CCDC85C: variants seen among roughly 807,000 people sequenced by gnomAD.
CCDC85C encodes the protein coiled-coil domain-containing protein 85C.
A neutral mutation model predicts 38.3 loss-of-function variants in CCDC85C; 18 were observed. The ratio of observed to expected loss-of-function variants is 0.47; its 90% CI spans 0.33 to 0.70. The LOEUF is 0.70. Among genes scored for constraint, CCDC85C ranks in the 30% least tolerant of loss-of-function variants. The probability of loss-of-function intolerance (pLI) is 0.03; values close to 1 mark genes in which losing one functional copy is unlikely to be tolerated. For missense variants in CCDC85C, 566 were observed against 621.2 expected, an observed-to-expected ratio of 0.91 and a Z score of 0.94; for synonymous variants, 264 against 293.8, an observed-to-expected ratio of 0.90 and a Z score of 1.04.
In CCDC85C at chr14:99,544,820, G is replaced by A. The variant is rs184625522; in HGVS notation, c.794-8732C>T. ...AAAGACCCCACAGCCTCTGAGCCTC[G>A]CCAGGTCACACATGGCCTGCAGGCT... On this transcript the variant is annotated intron_variant, in intron 1 of 5. Coordinates refer to ENST00000380243, the MANE Select transcript of CCDC85C (RefSeq NM_001144995.2). The surrounding 1 kb of genome is among the most constrained non-coding windows in gnomAD (Gnocchi z 5.3). 1.4e-4 allele frequency among the ~76,000 whole-genome samples: 22 copies of A among 152,210 alleles called. No individual in the cohort carries two copies. The East Asian group carries it at 2.1e-3, about 15-fold the overall frequency.
At position 99,520,640 on chromosome 14, in the gene CCDC85C, A is replaced by C. The variant is rs1254942923; in HGVS notation, c.975+1493T>G. On this transcript the variant is annotated intron_variant, in intron 3 of 5. Coordinates refer to ENST00000380243, the MANE Select transcript of CCDC85C (RefSeq NM_001144995.2). The surrounding 1 kb of genome is among the most constrained non-coding windows in gnomAD (Gnocchi z 4.1). ...GCCCTGATCATGGCCCCTGAACCTC[A>C]GTTTATCACCCGGCCTCCTGGCCTC... Among the ~76,000 whole-genome samples the C allele has an allele frequency of 6.6e-6, 1 of 151,738 alleles. No individual in the cohort carries two copies. Among genetic ancestry groups the C allele is most frequent in the African/African-American group, 2.4e-5 (1 of 41,238 alleles).
intron 1 of CCDC85C, chr14:99,579,979 C>G (rs1017363539): frequency 2.2e-6 from 1 of 451,922 alleles, no homozygotes; most frequent in South Asian, 1.6e-5. Flanking sequence ...TTAATCACCT[C>G]AGCAGCGGAC....
intron 1 of CCDC85C, among the ~76,000 whole-genome samples, chr14:99,577,741 AGT>A (rs148440733): frequency 7.9e-5 from 10 of 127,106 alleles, no homozygotes; most frequent in Non-Finnish European, 1.3e-4. Flanking sequence ...ATCCCCCATC[AGT>A]GTGTGTGTGT....
At chr14:99,543,075 G>C (rs142460068) in intron 1 of CCDC85C, among the ~76,000 whole-genome samples, 1 of 152,216 alleles carries the variant, frequency 6.6e-6, no homozygotes, top group African/African-American at 2.4e-5. Flanking sequence ...AGGAGTTATC[G>C]ATTTCATCAC....
Position 99,510,784 on chromosome 14 carries a change from G to T in CCDC85C, c.*4462C>A. 7.0e-7 allele frequency: 1 copy of T among 1,431,976 alleles called. No homozygotes were observed. The highest frequency in any genetic ancestry group is 2.6e-5 in the East Asian group (1 of 38,966). 88.7% of individuals were successfully genotyped at this position (1,431,976 alleles called of 1,614,324 possible). On this transcript the variant is annotated 3_prime_UTR_variant, in exon 6 of 6. Transcript: ENST00000380243. The stretch of plus-strand genomic sequence containing the variant: ...GGGCGGGCAGCCTGGATGAGATAAC[G>T]TGAGCCTTTTTTCCCTCTTTGTTTT...
chr14:99,524,849 TC>T (rs1367863799), intron 2 of CCDC85C, among the ~76,000 whole-genome samples: 3 of 152,036 alleles, frequency 2.0e-5, no homozygotes, highest in Non-Finnish European at 4.4e-5. Context: ...CCACTGCCGC[TC>T]CCCAGAAACA....
rs1481671793 is a variant in CCDC85C at position 99,528,553 on chromosome 14, G to A, written c.868-6313C>T. Among the ~76,000 whole-genome samples, 6 of 152,268 alleles carry A rather than the reference G, an allele frequency of 3.9e-5. No individual in the cohort carries two copies. The South Asian group carries it at 6.2e-4, about 16-fold the overall frequency. On this transcript the variant is annotated intron_variant, in intron 2 of 5. Coordinates refer to ENST00000380243, the MANE Select transcript of CCDC85C (RefSeq NM_001144995.2). ...ACCCCAAAACTCACACCAGGGTGGA[G>A]CCACCCCAAGTGCCCTGCTACCCTC...
intron 1 of CCDC85C, among the ~76,000 whole-genome samples, chr14:99,546,641 G>C (rs546844453): frequency 1.3e-5 from 2 of 152,288 alleles, no homozygotes; most frequent in African/African-American, 4.8e-5. Context: ...ACAGCTCTAT[G>C]TGCACCAGAC....
intron 2 of CCDC85C, among the ~76,000 whole-genome samples, chr14:99,531,733 G>T (rs532114689): frequency 1.1e-3 from 169 of 151,972 alleles, no homozygotes; most frequent in African/African-American, 4.0e-3. Context: ...CCTGCTTTGC[G>T]CAGAGGTGGG....
chr14:99,551,483 G>A (rs770838359), intron 1 of CCDC85C, among the ~76,000 whole-genome samples: 6 of 152,010 alleles, frequency 3.9e-5, no homozygotes, highest in Non-Finnish European at 5.9e-5. Flanking sequence ...GTGAGCAAGT[G>A]GGTGTAGAAG....
chr14:99,539,459 G>A (rs1475392389), intron 1 of CCDC85C, among the ~76,000 whole-genome samples: 1 of 115,572 alleles, frequency 8.7e-6, no homozygotes, highest in East Asian at 2.5e-4. Context: ...GACAGAGTGA[G>A]ACTCCATCTC....
chr14:99,501,277 G>C lies in CCDC85C; in HGVS notation c.*13969C>G, dbSNP rs1595315177. 2 of 912,616 alleles carry C rather than the reference G, an allele frequency of 2.2e-6. No homozygotes were observed. The highest frequency in any genetic ancestry group is 3.7e-6 in the Non-Finnish European group (2 of 547,636). 56.5% of individuals were successfully genotyped at this position (912,616 alleles called of 1,614,324 possible). ...GTATTTGAGTGGTGCTGAACACGTGGTAGGTTTTTAATAAATACTTGATGC... is the reference window on the plus strand; with the variant it reads ...GTATTTGAGTGGTGCTGAACACGTGCTAGGTTTTTAATAAATACTTGATGC... On this transcript the variant is annotated 3_prime_UTR_variant, in exon 6 of 6. Transcript: ENST00000380243.
intron 1 of CCDC85C, among the ~76,000 whole-genome samples, chr14:99,599,972 G>A (rs919043071): frequency 2.0e-5 from 3 of 152,216 alleles, no homozygotes; most frequent in Non-Finnish European, 4.4e-5. Flanking sequence ...CTCAGCCAGG[G>A]CTGCCTTGCA....
At chr14:99,531,659 G>A (rs1039368887) in intron 2 of CCDC85C, among the ~76,000 whole-genome samples, 5 of 136,112 alleles carry the variant, frequency 3.7e-5, no homozygotes, top group African/African-American at 1.1e-4. Context: ...CCAAAGCCAC[G>A]TCACCTTATG....
Position 99,506,868 on chromosome 14 carries a change from C to A in CCDC85C, c.*8378G>T. On this transcript the variant is annotated 3_prime_UTR_variant, in exon 6 of 6. Coordinates refer to ENST00000380243, the MANE Select transcript of CCDC85C (RefSeq NM_001144995.2). ...AAATGGGCTGCCTGTGGGAAGCTCG[C>A]AGGTCTTTTGGAGGGAGGTGGCATT... 3.7e-6 allele frequency: 2 copies of A among 541,306 alleles called. No homozygotes were observed. The highest frequency in any genetic ancestry group is 6.7e-6 in the Non-Finnish European group (2 of 298,976). 33.5% of individuals were successfully genotyped at this position (541,306 alleles called of 1,614,324 possible). A position where few individuals can be genotyped will look rare whatever the true frequency, so the allele number is the denominator to read the frequency against.
At chr14:99,574,660 G>A (rs1898433810) in intron 1 of CCDC85C, among the ~76,000 whole-genome samples, 1 of 152,336 alleles carries the variant, frequency 6.6e-6, no homozygotes, top group Middle Eastern at 3.4e-3. Context: ...CAGTGGTGCT[G>A]ACAGCATTAG....
At chr14:99,526,581 G>A (rs993128764) in intron 2 of CCDC85C, among the ~76,000 whole-genome samples, 1 of 152,020 alleles carries the variant, frequency 6.6e-6, no homozygotes, top group East Asian at 1.9e-4. Context: ...AAGACCTGGC[G>A]ACCTCCCTCC....
At chr14:99,580,101 C>G (rs993617611) in intron 1 of CCDC85C, 1 of 455,746 alleles carries the variant, frequency 2.2e-6, no homozygotes, top group Admixed American at 2.3e-5. Context: ...TCCAGGAATT[C>G]GGTCAGCAAA....
intron 1 of CCDC85C, among the ~76,000 whole-genome samples, chr14:99,541,720 C>G (rs1025809924): frequency 7.2e-5 from 11 of 152,210 alleles, no homozygotes; most frequent in African/African-American, 2.4e-4. Flanking sequence ...GCAGGCGATA[C>G]AGCCGTGGGC....
Sources: gnomAD v4.1 joint callset for allele counts (sites outside exome capture counted in the v4.1 genomes callset) on GRCh38, gnomAD v4.1.1 for gene constraint, Gnocchi (gnomAD v3.1) non-coding constraint, MANE v1.5 for transcripts, NCBI Gene and HGNC (gene_info 2026-07-23, HGNC 2026-07-21) for gene names.